Variants in GRIP1 observed in about 807,000 individuals in gnomAD.
GRIP1 encodes glutamate receptor interacting protein 1.
Under a neutral mutation model 129.9 loss-of-function variants are expected in GRIP1, and 45 were observed. The ratio of observed to expected loss-of-function variants is 0.35; its 90% CI spans 0.27 to 0.44. The LOEUF is 0.44. Ranked by LOEUF, GRIP1 falls within the 20% of genes least tolerant of loss-of-function variation. GRIP1 has a pLI of 1.00. For missense variants in GRIP1, 1,196 were observed against 1,396.8 expected, an observed-to-expected ratio of 0.86 and a Z score of 2.29; for synonymous variants, 530 against 520.8, an observed-to-expected ratio of 1.02 and a Z score of -0.24.
chr12:66,672,242 T>C (rs1440574941), intron 1 of GRIP1, among the ~76,000 whole-genome samples: 1 of 152,208 alleles, frequency 6.6e-6, no homozygotes, highest in African/African-American at 2.4e-5. Context: ...ATTTCCTTAG[T>C]ACAAATGTAA....
intron 15 of GRIP1, among the ~76,000 whole-genome samples, chr12:66,412,469 G>A (rs1024246623): frequency 9.2e-5 from 14 of 152,152 alleles, no homozygotes; most frequent in Non-Finnish European, 1.5e-4. Context: ...CCTTGCAAGA[G>A]CTCTTAAAAG....
At chr12:66,668,906 C>T (rs910353620) in intron 1 of GRIP1, among the ~76,000 whole-genome samples, 2 of 152,026 alleles carry the variant, frequency 1.3e-5, no homozygotes, top group Non-Finnish European at 2.9e-5. Flanking sequence ...GCCAAGATTG[C>T]ACCACTGCAC....
rs528462753 is a variant in GRIP1 at position 66,693,021 on chromosome 12, G to A, written c.-419-62685C>T. 3.3e-5 allele frequency among the ~76,000 whole-genome samples: 5 copies of A among 152,284 alleles called. No individual in the cohort carries two copies. In the South Asian group the frequency reaches 1.0e-3, roughly 32 times the overall value. On this transcript the variant is annotated intron_variant, in intron 1 of 4. Transcript: ENST00000538373. ...GAATGTTACAGGAGTTATGAATAAA[G>A]TGTTTAGGATAGTGCTTGATACATA...
At chr12:67,021,959 C>T (rs193024208) in intron 1 of GRIP1, among the ~76,000 whole-genome samples, 1 of 152,268 alleles carries the variant, frequency 6.6e-6, no homozygotes. Context: ...CCAGACTCAT[C>T]CATGTTGCTG....
intron 1 of GRIP1, among the ~76,000 whole-genome samples, chr12:66,641,663 T>C (rs755862011): frequency 1.3e-5 from 2 of 152,102 alleles, no homozygotes; most frequent in Non-Finnish European, 2.9e-5. Flanking sequence ...TCTGAGGAAA[T>C]GTTATTTCTT....
chr12:66,685,679 G>A (rs1029453691), intron 1 of GRIP1, among the ~76,000 whole-genome samples: 1 of 152,126 alleles, frequency 6.6e-6, no homozygotes, highest in Admixed American at 6.6e-5. Flanking sequence ...CAGCAGCTAG[G>A]TTAGATCAAG....
At chr12:66,539,029 G>A (rs1006160657) in intron 4 of GRIP1, 49 bp downstream of exon 4, 1 of 1,520,654 alleles carries the variant, frequency 6.6e-7, no homozygotes, top group Non-Finnish European at 9.1e-7. Flanking sequence ...GCATCCACTG[G>A]GGGTCTTGGA....
At position 66,364,495 on chromosome 12, in the gene GRIP1, C is replaced by T. The variant is rs560995126; in HGVS notation, c.3012+7199G>A. Among the ~76,000 whole-genome samples the T allele has an allele frequency of 5.9e-5, 9 of 152,056 alleles. No homozygotes were observed. The East Asian group carries it at 1.7e-3, about 30-fold the overall frequency. On this transcript the variant is annotated intron_variant, in intron 23 of 24. Transcript: ENST00000359742. ...TGCCCACAAGGAAATTCCTGGCGGG[C>T]CCTGAGATCTTTAAAGCAGTTCAGT...
At chr12:66,461,526 T>C (rs561906472) in intron 9 of GRIP1, among the ~76,000 whole-genome samples, 1 of 152,342 alleles carries the variant, frequency 6.6e-6, no homozygotes, top group Admixed American at 6.5e-5. Context: ...CTGTTTGCAT[T>C]GCTATTCCAA....
chr12:66,607,541 C>T (rs1341371884), intron 1 of GRIP1, among the ~76,000 whole-genome samples: 1 of 152,138 alleles, frequency 6.6e-6, no homozygotes, highest in Non-Finnish European at 1.5e-5. Flanking sequence ...GTTCATGTAG[C>T]CAGAGTGGGG....
At chr12:66,758,615 C>A (rs1399754747) in intron 1 of GRIP1, among the ~76,000 whole-genome samples, 1 of 152,130 alleles carries the variant, frequency 6.6e-6, no homozygotes, top group Non-Finnish European at 1.5e-5. Context: ...AAGGCAAGTC[C>A]CTTCTGCCTA....
intron 1 of GRIP1, among the ~76,000 whole-genome samples, chr12:66,834,446 T>C (rs1266759363): frequency 3.3e-5 from 5 of 152,248 alleles, no homozygotes; most frequent in Middle Eastern, 3.4e-3. Context: ...TTAATACAGA[T>C]ACAAGATAAA....
intron 1 of GRIP1, among the ~76,000 whole-genome samples, chr12:66,968,834 T>C (rs1175291179): frequency 6.6e-6 from 1 of 152,164 alleles, no homozygotes; most frequent in Non-Finnish European, 1.5e-5. Flanking sequence ...TTAATGTTGA[T>C]CTAAGTTGCT....
chr12:66,887,769 C>G (rs896640582), intron 1 of GRIP1, among the ~76,000 whole-genome samples: 2 of 152,086 alleles, frequency 1.3e-5, no homozygotes, highest in African/African-American at 4.8e-5. Context: ...CTAAAAGAAA[C>G]AGAGAGGTGG....
At chr12:66,860,161 TAGATA>T (rs1276590615) in intron 1 of GRIP1, among the ~76,000 whole-genome samples, 3 of 152,096 alleles carry the variant, frequency 2.0e-5, no homozygotes, top group African/African-American at 7.2e-5. Flanking sequence ...GCTATAAGGA[TAGATA>T]ACTTATCGGA....
chr12:66,695,922 G>A (rs577626619), intron 1 of GRIP1, among the ~76,000 whole-genome samples: 2 of 152,298 alleles, frequency 1.3e-5, no homozygotes, highest in East Asian at 3.9e-4. Flanking sequence ...GGGACTGGAG[G>A]TGGATTGTGA....
At chr12:66,405,586 A>G (rs535059198) in intron 16 of GRIP1, among the ~76,000 whole-genome samples, 11 of 152,324 alleles carry the variant, frequency 7.2e-5, no homozygotes, top group African/African-American at 2.6e-4. Context: ...ATATGATTCT[A>G]TGCCCTCCTA....
intron 2 of GRIP1, among the ~76,000 whole-genome samples, chr12:66,578,784 C>G (rs543492723): frequency 5.7e-4 from 87 of 152,354 alleles, no homozygotes; most frequent in African/African-American, 1.9e-3. Context: ...CCCACCACAG[C>G]TCAAGGAGGC....
At chr12:66,524,568 A>G (rs1324346626) in intron 5 of GRIP1, among the ~76,000 whole-genome samples, 2 of 152,200 alleles carry the variant, frequency 1.3e-5, no homozygotes, top group East Asian at 3.9e-4. Context: ...TGCCCACAAG[A>G]GAAAGCAGGA....
Sources: allele counts gnomAD v4.1 joint callset (sites outside exome capture counted in the v4.1 genomes callset), GRCh38; gene constraint gnomAD v4.1.1; transcripts MANE v1.5; gene names NCBI Gene and HGNC (gene_info 2026-07-23, HGNC 2026-07-21).